The following KMT2D variants were observed in gnomAD, a reference collection of about 807,000 sequenced individuals.
KMT2D encodes histone-lysine N-methyltransferase 2D.
KMT2D carries 55 observed loss-of-function variants against 512.7 expected under a neutral mutation model. That is an observed-to-expected ratio of 0.11 (90% CI 0.09 to 0.13). The LOEUF (loss-of-function observed/expected upper bound fraction) is 0.13. Among genes scored for constraint, KMT2D ranks in the 10% least tolerant of loss-of-function variants. KMT2D has a pLI of 1.00. For missense variants in KMT2D, 6,061 were observed against 7,127.9 expected, an observed-to-expected ratio of 0.85 and a Z score of 5.39; for synonymous variants, 2,995 against 2,904.0, an observed-to-expected ratio of 1.03 and a Z score of -1.01.
intron 1 of KMT2D, among the ~76,000 whole-genome samples, chr12:49,057,428 C>A (rs930693465): frequency 6.6e-6 from 1 of 152,222 alleles, no homozygotes; most frequent in African/African-American, 2.4e-5. Flanking sequence ...CTCCCCCGAG[C>A]TCAGCCCTCT....
chr12:49,049,660 C>G (rs2120637574), intron 12 of KMT2D, 22 bp downstream of exon 12: 1 of 1,548,676 alleles, frequency 6.5e-7, no homozygotes, highest in Non-Finnish European at 8.8e-7. Context: ...TAATCACATC[C>G]CGCAGCTAGA....
Position 49,030,947 on chromosome 12 carries a change from C to T in KMT2D, c.13617G>A (p.Leu4539=), listed in dbSNP as rs775638334. 1 of 1,614,008 alleles carries T rather than the reference C, an allele frequency of 6.2e-7. No homozygotes were observed. The highest frequency in any genetic ancestry group is 1.1e-5 in the South Asian group (1 of 91,088). The change falls in exon 41 of 55, where the codon CTG becomes CTA. Residue 4539 remains leucine, a synonymous_variant. Transcript: ENST00000301067. The stretch of plus-strand genomic sequence containing the variant: ...TGGCCCTGACCCCGTCCTCCTTCCG[C>T]AGCTTCTTTCGGGAGCTCACCAACC... ...SDRLVSSRKK[L]RKEDGVRASE... is the part of the protein sequence containing the mutation.
rs754358999 is a variant in KMT2D, at chr12:49,042,307, G to T, written c.5891C>A (p.Pro1964Gln). 6.4e-7 allele frequency: 1 copy of T among 1,551,168 alleles called. No homozygotes were observed. The highest frequency in any genetic ancestry group is 8.7e-7 in the Non-Finnish European group (1 of 1,146,894). Residue 1964 changes from proline to glutamine, a missense_variant, in exon 29 of 55, where the codon CCG (proline) becomes CAG (glutamine). This residue lies in a region of KMT2D where 640 missense variants were observed against 814.3 expected (regional missense o/e 0.79). Coordinates refer to ENST00000301067, the MANE Select transcript of KMT2D (RefSeq NM_003482.4). The surrounding 1 kb of genome is among the most constrained non-coding windows in gnomAD (Gnocchi z 4.4). Reference protein sequence around the residue: ...DSRERGGFFSPEPGEPDSPWT... With the variant: ...DSRERGGFFSQEPGEPDSPWT... ...GGGGCTGTCGGGCTCACCGGGTTCCGGGCTAAAGAAGCCCCCGCGCTCCCT... is the reference window on the plus strand; with the variant it reads ...GGGGCTGTCGGGCTCACCGGGTTCCTGGCTAAAGAAGCCCCCGCGCTCCCT...
chr12:49,044,775 G>A lies in KMT2D; in HGVS notation c.4932C>T (p.Asp1644=), dbSNP rs2120587496. ...CCTTGAGCAGCTCATCGGTGTCCAG[G>A]TCCCCATCCTTCTTGTCATCAGGGC... ...ALGPDDKKDG[D]LDTDELLKGE... Residue 1644 remains aspartate (D), a synonymous_variant, in exon 20 of 55, where the codon GAC becomes GAT. Coordinates refer to ENST00000301067, the MANE Select transcript of KMT2D (RefSeq NM_003482.4). This position sits in a 1 kb window ranked among gnomAD's most constrained non-coding sequence, Gnocchi z 6.4. 1 of 1,613,828 alleles carries A rather than the reference G, an allele frequency of 6.2e-7. No homozygotes were observed. Among genetic ancestry groups the A allele is most frequent in the Non-Finnish European group, 8.5e-7 (1 of 1,179,828 alleles).
At position 49,019,219 on chromosome 12, in the gene KMT2D, A is replaced by C; in HGVS notation, c.*2561T>G. 2 of 978,598 alleles carry C rather than the reference A, an allele frequency of 2.0e-6. No homozygotes were observed. Among genetic ancestry groups the C allele is most frequent in the Non-Finnish European group, 2.5e-6 (2 of 798,140 alleles). 60.6% of individuals were successfully genotyped at this position (978,598 alleles called of 1,614,324 possible). On this transcript the variant is annotated 3_prime_UTR_variant, in exon 55 of 55. Coordinates refer to ENST00000301067, the MANE Select transcript of KMT2D (RefSeq NM_003482.4). ...CTGTACAGGATACACACAACACAAAATAAAGTCTTCACGGGATTCACACTT... is the reference window on the plus strand; with the variant it reads ...CTGTACAGGATACACACAACACAAACTAAAGTCTTCACGGGATTCACACTT...
At position 49,033,947 on chromosome 12, in the gene KMT2D, C is replaced by T. The variant is rs1385497647; in HGVS notation, c.10758G>A (p.Lys3586=). 1 of 1,532,306 alleles carries T rather than the reference C, an allele frequency of 6.5e-7. No individual in the cohort carries two copies. Among genetic ancestry groups the T allele is most frequent in the Non-Finnish European group, 8.8e-7 (1 of 1,138,908 alleles). The allele number at this position is 1,532,306 out of a possible 1,614,324, so 94.9% of individuals were successfully genotyped here. A position where few individuals can be genotyped will look rare whatever the true frequency, so the allele number is the denominator to read the frequency against. The change falls in exon 40 of 55, where the codon AAG becomes AAA. Residue 3586 remains lysine, a synonymous_variant. Transcript: ENST00000301067. Reference sequence around the variant, plus strand: ...ATTCTGCCATGAGATTAGTGTGCTCCTTCTGCTGTTTCCGGACCTAACATG... The same window carrying T: ...ATTCTGCCATGAGATTAGTGTGCTCTTTCTGCTGTTTCCGGACCTAACATG... ...KQLDQVRKQQ[K]EHTNLMAEYR...
In KMT2D at chr12:49,046,427, G is replaced by C. The variant is rs2120606280; in HGVS notation, c.4419-3C>G. The C allele has an allele frequency of 6.2e-7, 1 of 1,613,190 alleles. No homozygotes were observed. The highest frequency in any genetic ancestry group is 8.5e-7 in the Non-Finnish European group (1 of 1,179,404). On this transcript the variant is annotated splice_polypyrimidine_tract_variant and splice_region_variant and intron_variant, in intron 16 of 54. Coordinates refer to ENST00000301067, the MANE Select transcript of KMT2D (RefSeq NM_003482.4). This position sits in a 1 kb window ranked among gnomAD's most constrained non-coding sequence, Gnocchi z 4.2. Reference sequence around the variant, plus strand: ...CACACTGCATACAGGACACACACCTGATAGGAGCAGGAAAACAGAGCTTTA... The same window carrying C: ...CACACTGCATACAGGACACACACCTCATAGGAGCAGGAAAACAGAGCTTTA...
intron 45 of KMT2D, 28 bp downstream of exon 45, chr12:49,029,033 C>T (rs2120390034): frequency 1.2e-6 from 2 of 1,604,146 alleles, no homozygotes; most frequent in Non-Finnish European, 1.7e-6. Context: ...GTGAACTGGG[C>T]CTGGCCCACA....
At chr12:49,035,120 C>T (rs1183244656) in intron 35 of KMT2D, among the ~76,000 whole-genome samples, 185 bp from the exon 36 acceptor site, 6 of 152,106 alleles carry the variant, frequency 3.9e-5, no homozygotes, top group Non-Finnish European at 8.8e-5. Context: ...GACATGTGGG[C>T]CTGTTTTTAC....
Position 49,048,090 on chromosome 12 carries a change from C to T in KMT2D, c.4132-21G>A, listed in dbSNP as rs563684190. ...ATGTCCTGGGGAAACACAGAGAAACCCAAATGTCCAACTAGATCTCCCCAT... is the reference window on the plus strand; with the variant it reads ...ATGTCCTGGGGAAACACAGAGAAACTCAAATGTCCAACTAGATCTCCCCAT... On this transcript the variant is annotated intron_variant, in intron 14 of 54. Coordinates refer to ENST00000301067, the MANE Select transcript of KMT2D (RefSeq NM_003482.4). The T allele has an allele frequency of 4.6e-6, 7 of 1,515,732 alleles. 1 individual carries two copies. In the Admixed American group the frequency reaches 1.2e-4, roughly 26 times the overall value. 93.9% of individuals were successfully genotyped at this position (1,515,732 alleles called of 1,614,324 possible).
At position 49,044,082 on chromosome 12, in the gene KMT2D, C is replaced by T. The variant is rs1943670947; in HGVS notation, c.5189-84G>A. 1 of 1,596,726 alleles carries T rather than the reference C, an allele frequency of 6.3e-7. No homozygotes were observed. The highest frequency in any genetic ancestry group is 8.5e-7 in the Non-Finnish European group (1 of 1,170,280). ...GGGTGACACTTTGTGCCTACTCTCT[C>T]CCACAACACCAGCTGGGTCTACCAC... On this transcript the variant is annotated intron_variant, in intron 22 of 54. Coordinates refer to ENST00000301067, the MANE Select transcript of KMT2D (RefSeq NM_003482.4). This position sits in a 1 kb window ranked among gnomAD's most constrained non-coding sequence, Gnocchi z 6.4.
intron 48 of KMT2D, 121 bp from the exon 49 acceptor site, chr12:49,027,443 T>TTTTTC (rs766878893): frequency 9.7e-6 from 8 of 824,338 alleles, no homozygotes; most frequent in Middle Eastern, 3.8e-4. Context: ...GACAGCCTCT[T>TTTTTC]TTTTCTTTTC....
In KMT2D at chr12:49,052,486, G is replaced by T. The variant is rs1164204410; in HGVS notation, c.1259-62C>A. 3.8e-6 allele frequency: 6 copies of T among 1,566,614 alleles called. No individual in the cohort carries two copies. The East Asian group carries it at 9.0e-5, about 24-fold the overall frequency. ...AGATCTACTCCACAGAAAGTGTGGG[G>T]TCTGGGGCAATGCACAAACTGTCTC... On this transcript the variant is annotated intron_variant, in intron 10 of 54. Coordinates refer to ENST00000301067, the MANE Select transcript of KMT2D (RefSeq NM_003482.4).
rs1433737069 is a variant in KMT2D, at chr12:49,042,635, A to G, written c.5793T>C (p.Pro1931=). ...GGCTGCTGGAGGGCAGATTGCCCAA[A>G]GGGAGTCCACCTACAAGACGGACAG... ...LQRPFLQGGL[P]LGNLPSSSPM... is the part of the protein sequence containing the mutation. Residue 1931 remains proline, a synonymous_variant, in exon 28 of 55, where the codon CCT becomes CCC. Transcript: ENST00000301067. This position sits in a 1 kb window ranked among gnomAD's most constrained non-coding sequence, Gnocchi z 4.4. 1 of 1,613,562 alleles carries G rather than the reference A, an allele frequency of 6.2e-7. No individual in the cohort carries two copies. The highest frequency in any genetic ancestry group is 1.1e-5 in the South Asian group (1 of 91,068).
At position 49,027,076 on chromosome 12, in the gene KMT2D, G is replaced by A. The variant is rs759822794; in HGVS notation, c.14890C>T (p.Arg4964Cys). The A allele has an allele frequency of 6.8e-6, 11 of 1,613,264 alleles. No individual in the cohort carries two copies. Among genetic ancestry groups the A allele is most frequent in the East Asian group, 4.5e-5 (2 of 44,876 alleles). Residue 4964 changes from arginine (R) to cysteine (C), a missense_variant, in exon 49 of 55, where the codon CGT becomes TGT. Transcript: ENST00000301067. ...TCACCTTCTTCAGGGGGCCGGGCAC[G>A]GGGCTTGGGTCGGGCTGATTCAGGG... ...SSPESARPKP[R>C]ARPPEEGEDS...
chr12:49,025,415 C>T (rs1252202975), intron 49 of KMT2D, among the ~76,000 whole-genome samples: 3 of 152,206 alleles, frequency 2.0e-5, no homozygotes, highest in African/African-American at 4.8e-5. Context: ...GATGCACATA[C>T]TTACCGTATG....
In KMT2D at chr12:49,019,930, C is replaced by T. The variant is rs1432823155; in HGVS notation, c.*1850G>A. 3 of 231,538 alleles carry T rather than the reference C, an allele frequency of 1.3e-5. No homozygotes were observed. Among genetic ancestry groups the T allele is most frequent in the African/African-American group, 6.7e-5 (3 of 45,094 alleles). 14.3% of individuals were successfully genotyped at this position (231,538 alleles called of 1,614,324 possible). Reference sequence around the variant, plus strand: ...GCCCGCCCGTCCACCACCACCAAGCCCACCCCTACACTCCAGACATCTGAT... The same window carrying T: ...GCCCGCCCGTCCACCACCACCAAGCTCACCCCTACACTCCAGACATCTGAT... On this transcript the variant is annotated 3_prime_UTR_variant, in exon 55 of 55. Transcript: ENST00000301067.
At chr12:49,021,957 C>T (rs1942347883) in intron 54 of KMT2D, 85 bp from the exon 55 acceptor site, 1 of 1,556,082 alleles carries the variant, frequency 6.4e-7, no homozygotes, top group Non-Finnish European at 8.9e-7. Flanking sequence ...GGTGCCCAGC[C>T]TAGGAATCCA....
intron 46 of KMT2D, 94 bp from the exon 47 acceptor site, chr12:49,028,235 AC>A: frequency 6.8e-7 from 1 of 1,472,652 alleles, no homozygotes; most frequent in South Asian, 1.2e-5. Flanking sequence ...GACACCTAGA[AC>A]CCACTCCCCA....
Sources: gnomAD v4.1 joint callset for allele counts (sites outside exome capture counted in the v4.1 genomes callset) on GRCh38, gnomAD v4.1.1 for gene constraint, gnomAD v4.1.1 regional missense constraint, Gnocchi (gnomAD v3.1) non-coding constraint, MANE v1.5 for transcripts, NCBI Gene and HGNC (gene_info 2026-07-23, HGNC 2026-07-21) for gene names.